The following GABPB2 variants were observed in gnomAD, a reference collection of about 807,000 sequenced individuals.
GABPB2 encodes GA binding protein transcription factor subunit beta 2.
A neutral mutation model predicts 39.1 loss-of-function variants in GABPB2; 23 were observed. The observed-to-expected ratio is 0.59, with a 90% CI of 0.42 to 0.83. The LOEUF (loss-of-function observed/expected upper bound fraction) is 0.83, where lower values mean the gene tolerates loss of function less well. GABPB2 is among the 40% of genes least tolerant of loss of function. The pLI is 0.00. For synonymous variants in GABPB2, 184 were observed against 199.3 expected (o/e 0.92, Z 0.65); for missense variants, 467 against 541.1 (o/e 0.86, Z 1.36).
At chr1:151,106,705 T>A (rs2101546842) in intron 6 of GABPB2, among the ~76,000 whole-genome samples, 1 of 152,338 alleles carries the variant, frequency 6.6e-6, no homozygotes, top group African/African-American at 2.4e-5. Context: ...TTTATTAGCC[T>A]ATTGAAGTCT....
At position 151,109,364 on chromosome 1, in the gene GABPB2, A is replaced by ATATATATTT. The variant is rs779537595; in HGVS notation, c.922+2143_922+2144insATATATTTT. On this transcript the variant is annotated intron_variant, in intron 7 of 8. Transcript: ENST00000368918. ...CACAAATATATATATATATATATAT[A>ATATATATTT]TTTTTTTTTTTGAGTCAGAATCTTG... Among the ~76,000 whole-genome samples the ATATATATTT allele has an allele frequency of 3.4e-3, 378 of 112,344 alleles. 6 individuals carry two copies. Among genetic ancestry groups the ATATATATTT allele is most frequent in the Middle Eastern group, 0.02 (4 of 200 alleles). 73.7% of individuals were successfully genotyped at this position (112,344 alleles called of 152,430 possible).
Position 151,120,780 on chromosome 1 carries a change from G to A in GABPB2, c.*2524G>A, listed in dbSNP as rs1397130609. 2.7e-5 allele frequency: 4 copies of A among 146,478 alleles called. No homozygotes were observed. Among genetic ancestry groups the A allele is most frequent in the Admixed American group, 6.9e-5 (1 of 14,490 alleles). 9.1% of individuals were successfully genotyped at this position (146,478 alleles called of 1,614,324 possible). A position where few individuals can be genotyped will look rare whatever the true frequency, so the allele number is the denominator to read the frequency against. The stretch of plus-strand genomic sequence containing the variant: ...TTTTTTTTTTTTTTTTTTTGAGACG[G>A]AGTCTTGCTCTTGTTGCCCAGGCTG... On this transcript the variant is annotated 3_prime_UTR_variant, in exon 9 of 9. Transcript: ENST00000368918.
chr1:151,071,234 G>C (rs1441112521), intron 1 of GABPB2, among the ~76,000 whole-genome samples: 1 of 152,286 alleles, frequency 6.6e-6, no homozygotes, highest in East Asian at 1.9e-4. Context: ...GGGCGGCGCG[G>C]AGCCGGGGCC....
chr1:151,109,062 G>A (rs1018762660), intron 7 of GABPB2, among the ~76,000 whole-genome samples: 1 of 151,798 alleles, frequency 6.6e-6, no homozygotes, highest in African/African-American at 2.4e-5. Flanking sequence ...TTGATGGCAC[G>A]TGCTTATAGT....
intron 7 of GABPB2, among the ~76,000 whole-genome samples, chr1:151,114,191 C>CA (rs60738759): frequency 0.013 from 1,824 of 144,108 alleles, 46 homozygotes; most frequent in African/African-American, 0.043. Flanking sequence ...AAAAAAAATA[C>CA]AAAAAAAAAA....
chr1:151,105,051 C>T (rs757227177), intron 6 of GABPB2, among the ~76,000 whole-genome samples: 6 of 151,906 alleles, frequency 3.9e-5, no homozygotes, highest in East Asian at 3.9e-4. Flanking sequence ...GGATTACAGG[C>T]GCCCACCACC....
intron 1 of GABPB2, among the ~76,000 whole-genome samples, chr1:151,076,858 ATC>A (rs974885551): frequency 6.7e-6 from 1 of 149,732 alleles, no homozygotes; most frequent in Non-Finnish European, 1.5e-5. Flanking sequence ...CAGTGGCGCA[ATC>A]TCGGCTCACT....
At chr1:151,114,404 TATGGGAAATAAAAAA>T (rs1391299342) in intron 7 of GABPB2, among the ~76,000 whole-genome samples, 1 of 151,802 alleles carries the variant, frequency 6.6e-6, no homozygotes, top group Non-Finnish European at 1.5e-5. Context: ...TACAGGTTCT[TATGGGAAATAAAAAA>T]ATGGGAAATA....
intron 1 of GABPB2, among the ~76,000 whole-genome samples, chr1:151,080,183 C>T (rs112827459): frequency 3.3e-4 from 48 of 146,162 alleles, no homozygotes; most frequent in African/African-American, 1.0e-3. Flanking sequence ...CCATTGCACT[C>T]CAGCCTGGGC....
intron 7 of GABPB2, among the ~76,000 whole-genome samples, chr1:151,111,137 C>G (rs1219784600): frequency 6.6e-6 from 1 of 152,020 alleles, no homozygotes; most frequent in Non-Finnish European, 1.5e-5. Context: ...AAATATTAGC[C>G]AGATGTGGTG....
At position 151,081,063 on chromosome 1, in the gene GABPB2, C is replaced by T. The variant is rs1031403176; in HGVS notation, c.1-7127C>T. Among the ~76,000 whole-genome samples, 20 of 150,004 alleles carry T rather than the reference C, an allele frequency of 1.3e-4. No homozygotes were observed. The East Asian group carries it at 4.0e-3, about 30-fold the overall frequency. ...AATTTTTTTGTATTTTTAGTAGTGACGGGGTTTCACCATGTTAGCCAGGAT... is the reference window on the plus strand; with the variant it reads ...AATTTTTTTGTATTTTTAGTAGTGATGGGGTTTCACCATGTTAGCCAGGAT... On this transcript the variant is annotated intron_variant, in intron 1 of 8. Transcript: ENST00000368918.
intron 1 of GABPB2, among the ~76,000 whole-genome samples, chr1:151,084,034 C>T (rs1264116782): frequency 1.3e-5 from 2 of 150,488 alleles, no homozygotes; most frequent in South Asian, 2.1e-4. Context: ...CCACCGTGCC[C>T]ATCCTTTTAT....
intron 7 of GABPB2, among the ~76,000 whole-genome samples, chr1:151,109,470 T>A: frequency 6.6e-6 from 1 of 150,810 alleles, no homozygotes; most frequent in Admixed American, 6.7e-5. Context: ...GCGATTCTCC[T>A]GCCTCAGCCT....
chr1:151,092,100 ATTTTT>A (rs34298127), intron 3 of GABPB2, among the ~76,000 whole-genome samples: 4 of 58,110 alleles, frequency 6.9e-5, no homozygotes, highest in Non-Finnish European at 9.9e-5. Flanking sequence ...CAGTTTTCTA[ATTTTT>A]TTTTTTTTTT....
intron 1 of GABPB2, among the ~76,000 whole-genome samples, chr1:151,071,443 C>T (rs1291790493): frequency 4.3e-5 from 2 of 46,364 alleles, no homozygotes; most frequent in Admixed American, 3.4e-4. Context: ...CCCGCCTCTG[C>T]TTTTTTGCTC....
intron 1 of GABPB2, among the ~76,000 whole-genome samples, chr1:151,072,023 A>T (rs1676769219): frequency 6.6e-6 from 1 of 152,250 alleles, no homozygotes; most frequent in Non-Finnish European, 1.5e-5. Context: ...ACGATGTAAC[A>T]AAATTTTGGC....
chr1:151,120,078 A>C lies in GABPB2; in HGVS notation c.*1822A>C, dbSNP rs1681128002. On this transcript the variant is annotated 3_prime_UTR_variant, in exon 9 of 9. Coordinates refer to ENST00000368918, the MANE Select transcript of GABPB2 (RefSeq NM_144618.3). ...ATACAAAATTAGGGCCAGACCCGGC[A>C]GCTCATGCCTGTAATCCCAGCACTT... 1 of 151,640 alleles carries C rather than the reference A, an allele frequency of 6.6e-6. No individual in the cohort carries two copies. The highest frequency in any genetic ancestry group is 2.4e-5 in the African/African-American group (1 of 41,196). 9.4% of individuals were successfully genotyped at this position (151,640 alleles called of 1,614,324 possible).
intron 1 of GABPB2, among the ~76,000 whole-genome samples, chr1:151,074,241 C>T (rs1294461259): frequency 1.3e-5 from 2 of 150,980 alleles, no homozygotes; most frequent in Non-Finnish European, 2.9e-5. Context: ...TCCCAAAGTG[C>T]TAGGATTACA....
intron 7 of GABPB2, among the ~76,000 whole-genome samples, chr1:151,111,517 G>A (rs1488354223): frequency 6.6e-6 from 1 of 151,896 alleles, no homozygotes; most frequent in African/African-American, 2.4e-5. Context: ...CCACCTCCCG[G>A]GTTGACGCCA....
Sources: allele counts gnomAD v4.1 joint callset (sites outside exome capture counted in the v4.1 genomes callset), GRCh38; gene constraint gnomAD v4.1.1; transcripts MANE v1.5; gene names NCBI Gene and HGNC (gene_info 2026-07-23, HGNC 2026-07-21).